STK32B: variants seen among roughly 807,000 people sequenced by gnomAD.
STK32B encodes serine/threonine-protein kinase 32B.
In STK32B, 43 loss-of-function variants were observed where a neutral mutation model predicts 52.6. That is an observed-to-expected ratio of 0.82 (90% confidence interval 0.64 to 1.05). The LOEUF is 1.05. Ranked by LOEUF, STK32B falls within the 50% of genes least tolerant of loss-of-function variation. The pLI, the probability that STK32B is intolerant of heterozygous loss-of-function variation, is 0.00. For missense variants in STK32B, 621 were observed against 534.6 expected, an observed-to-expected ratio of 1.16 and a Z score of -1.59; for synonymous variants, 238 against 204.3, an observed-to-expected ratio of 1.17 and a Z score of -1.41.
intron 1 of STK32B, among the ~76,000 whole-genome samples, chr4:5,081,668 G>C (rs1260887773): frequency 2.0e-5 from 3 of 151,928 alleles, no homozygotes; most frequent in Non-Finnish European, 2.9e-5. Flanking sequence ...AGCTGTTGCT[G>C]TTGTCTGTTG....
At chr4:5,077,417 A>T (rs1712148782) in intron 1 of STK32B, among the ~76,000 whole-genome samples, 1 of 151,722 alleles carries the variant, frequency 6.6e-6, no homozygotes, top group South Asian at 2.1e-4. Flanking sequence ...AGTTTCCCCA[A>T]CCAGCTGTGA....
At chr4:5,368,040 C>T (rs6844605) in intron 4 of STK32B, among the ~76,000 whole-genome samples, 5,139 of 152,236 alleles carry the variant, frequency 0.034, 110 homozygotes, top group East Asian at 0.075. Context: ...TACCCACCCC[C>T]GATTTCTACC....
intron 2 of STK32B, among the ~76,000 whole-genome samples, chr4:5,159,521 T>A (rs1487931914): frequency 7.2e-6 from 1 of 137,980 alleles, no homozygotes; most frequent in East Asian, 2.1e-4. Context: ...TATATGAATA[T>A]ATGATATATA....
At chr4:5,247,751 T>C (rs1338609260) in intron 3 of STK32B, among the ~76,000 whole-genome samples, 1 of 152,208 alleles carries the variant, frequency 6.6e-6, no homozygotes, top group Non-Finnish European at 1.5e-5. Flanking sequence ...GAAGCCTTTT[T>C]TTCTTCCACC....
intron 6 of STK32B, among the ~76,000 whole-genome samples, chr4:5,444,006 C>G (rs1167760139): frequency 1.3e-5 from 2 of 152,210 alleles, no homozygotes; most frequent in African/African-American, 4.8e-5. Flanking sequence ...CTCTTCAAAG[C>G]TGTCAGACAG....
intron 3 of STK32B, among the ~76,000 whole-genome samples, chr4:5,214,807 A>G (rs1244417747): frequency 6.6e-6 from 1 of 152,108 alleles, no homozygotes; most frequent in Non-Finnish European, 1.5e-5. Context: ...TTTGGCACAT[A>G]TTGTCAAATG....
intron 2 of STK32B, among the ~76,000 whole-genome samples, chr4:5,160,761 G>A (rs1718377647): frequency 6.6e-6 from 1 of 152,210 alleles, no homozygotes; most frequent in African/African-American, 2.4e-5. Flanking sequence ...AACTCAGTAG[G>A]GGGAGTGGAC....
intron 1 of STK32B, among the ~76,000 whole-genome samples, chr4:5,091,855 A>G (rs1206162624): frequency 3.3e-5 from 5 of 152,208 alleles, no homozygotes; most frequent in African/African-American, 1.2e-4. Flanking sequence ...CTTAAATGGA[A>G]TATTTTTGAG....
chr4:5,072,785 T>A (rs985837365), intron 1 of STK32B, among the ~76,000 whole-genome samples: 6 of 152,184 alleles, frequency 3.9e-5, no homozygotes, highest in Non-Finnish European at 8.8e-5. Flanking sequence ...TGTTGCTTTT[T>A]AAAAAGATAA....
At chr4:5,227,513 T>C (rs968605432) in intron 3 of STK32B, among the ~76,000 whole-genome samples, 4 of 152,230 alleles carry the variant, frequency 2.6e-5, no homozygotes, top group Non-Finnish European at 5.9e-5. Flanking sequence ...ACACAAATTT[T>C]CTAAAAGACG....
At chr4:5,217,303 G>C (rs1723236338) in intron 3 of STK32B, among the ~76,000 whole-genome samples, 1 of 152,190 alleles carries the variant, frequency 6.6e-6, no homozygotes, top group Non-Finnish European at 1.5e-5. Context: ...CTGTAGAACT[G>C]AAATATTTTC....
intron 6 of STK32B, among the ~76,000 whole-genome samples, chr4:5,429,987 T>C (rs1483142078): frequency 6.6e-6 from 1 of 152,174 alleles, no homozygotes; most frequent in East Asian, 1.9e-4. Context: ...CATGCTTTTT[T>C]CCTTCAGCTG....
At chr4:5,115,682 A>G (rs1362855231) in intron 1 of STK32B, among the ~76,000 whole-genome samples, 2 of 151,878 alleles carry the variant, frequency 1.3e-5, no homozygotes, top group East Asian at 2.0e-4. Context: ...TAGGGGTGCC[A>G]CAGGACACGT....
At chr4:5,082,844 A>AT (rs1341498122) in intron 1 of STK32B, among the ~76,000 whole-genome samples, 2 of 151,998 alleles carry the variant, frequency 1.3e-5, no homozygotes, top group East Asian at 1.9e-4. Context: ...TCCCAGGAAG[A>AT]TTTTTTTTCT....
intron 2 of STK32B, among the ~76,000 whole-genome samples, chr4:5,159,620 A>AGT: frequency 9.6e-6 from 1 of 104,584 alleles, no homozygotes; most frequent in South Asian, 2.8e-4. Context: ...AATATATATG[A>AGT]ATATATATGA....
chr4:5,305,243 G>T (rs1729848967), intron 3 of STK32B, among the ~76,000 whole-genome samples: 1 of 151,108 alleles, frequency 6.6e-6, no homozygotes, highest in Non-Finnish European at 1.5e-5. Context: ...TTATCTTTTG[G>T]AATAGTGTCT....
the STK32B span, among the ~76,000 whole-genome samples, chr4:5,036,659 A>ATTTTTT: frequency 2.7e-5 from 2 of 74,204 alleles, no homozygotes; most frequent in African/African-American, 5.3e-5. Context: ...GCAAGGGTGG[A>ATTTTTT]TTTTTTTTTT....
chr4:5,412,284 T>G (rs1469180743), intron 5 of STK32B, among the ~76,000 whole-genome samples: 1 of 152,262 alleles, frequency 6.6e-6, no homozygotes, highest in East Asian at 1.9e-4. Flanking sequence ...TATAGTAAAC[T>G]TTCATTCTCC....
chr4:5,175,785 T>C (rs1429927878), intron 3 of STK32B, among the ~76,000 whole-genome samples: 1 of 152,232 alleles, frequency 6.6e-6, no homozygotes, highest in African/African-American at 2.4e-5. Flanking sequence ...CCTGTGCTCA[T>C]ATCTCCAGCT....
Sources: allele counts gnomAD v4.1 joint callset (sites outside exome capture counted in the v4.1 genomes callset), GRCh38; gene constraint gnomAD v4.1.1; transcripts MANE v1.5; gene names NCBI Gene and HGNC (gene_info 2026-07-23, HGNC 2026-07-21).